Variants in AFAP1L1 observed in about 807,000 individuals in gnomAD.
AFAP1L1 encodes actin filament associated protein 1 like 1.
A neutral mutation model predicts 99.8 loss-of-function variants in AFAP1L1; 77 were observed. The ratio of observed to expected loss-of-function variants is 0.77; its 90% CI spans 0.64 to 0.93. The LOEUF is 0.93. AFAP1L1 is among the 40% of genes least tolerant of loss of function. The probability of loss-of-function intolerance (pLI) is 0.00; values close to 1 mark genes in which losing one functional copy is unlikely to be tolerated. For synonymous variants in AFAP1L1, 373 were observed against 395.3 expected (o/e 0.94, Z 0.67); for missense variants, 893 against 996.8 (o/e 0.90, Z 1.40).
intron 1 of AFAP1L1, among the ~76,000 whole-genome samples, chr5:149,296,969 G>A (rs552513851): frequency 1.3e-5 from 2 of 152,178 alleles, no homozygotes; most frequent in Non-Finnish European, 2.9e-5. Context: ...TCACTATCAC[G>A]AGAACAGCAG....
At position 149,300,250 on chromosome 5, in the gene AFAP1L1, T is replaced by C. The variant is rs1756155221; in HGVS notation, c.146-21T>C. ...GGTCCCTCCTCCTTCACAGCTGGCATGTCCCCCTTCTTCCTCACAGCAAAG... is the reference window on the plus strand; with the variant it reads ...GGTCCCTCCTCCTTCACAGCTGGCACGTCCCCCTTCTTCCTCACAGCAAAG... On this transcript the variant is annotated intron_variant, in intron 2 of 18. Coordinates refer to ENST00000296721, the MANE Select transcript of AFAP1L1 (RefSeq NM_152406.4). 3 of 1,595,362 alleles carry C rather than the reference T, an allele frequency of 1.9e-6. No individual in the cohort carries two copies. In the South Asian group the frequency reaches 3.4e-5, roughly 18 times the overall value.
chr5:149,319,843 C>T (rs982816436), intron 13 of AFAP1L1, 116 bp downstream of exon 13: 29 of 1,414,422 alleles, frequency 2.1e-5, no homozygotes, highest in Middle Eastern at 2.5e-4. Flanking sequence ...AGGAAAGCTC[C>T]GCTTCCTTGG....
Position 149,303,708 on chromosome 5 carries a change from G to A in AFAP1L1, c.436+1182G>A, listed in dbSNP as rs571390087. Among the ~76,000 whole-genome samples, 21 of 152,112 alleles carry A rather than the reference G, an allele frequency of 1.4e-4. No homozygotes were observed. The South Asian group carries it at 4.1e-3, about 30-fold the overall frequency. On this transcript the variant is annotated intron_variant, in intron 5 of 18. Coordinates refer to ENST00000296721, the MANE Select transcript of AFAP1L1 (RefSeq NM_152406.4). ...CAAACACACACACACACATGCATCC[G>A]TTTTAACAATTTTTCAAGGATATGC...
At chr5:149,319,527 T>C (rs1486843680) in intron 12 of AFAP1L1, 55 bp from the exon 13 acceptor site, 1 of 1,548,040 alleles carries the variant, frequency 6.5e-7, no homozygotes, top group Non-Finnish European at 8.7e-7. Flanking sequence ...TCAACAGGTC[T>C]CCAGGAGCCC....
At chr5:149,311,825 C>T (rs551148354) in intron 8 of AFAP1L1, among the ~76,000 whole-genome samples, 22 of 152,298 alleles carry the variant, frequency 1.4e-4, no homozygotes, top group African/African-American at 5.1e-4. Context: ...CAGATGTGGA[C>T]ACTGAGGCCC....
At position 149,306,154 on chromosome 5, in the gene AFAP1L1, A is replaced by T; in HGVS notation, c.437-152A>T. 5.1e-6 allele frequency: 3 copies of T among 587,054 alleles called. No homozygotes were observed. The East Asian group carries it at 8.7e-5, about 17-fold the overall frequency. 36.4% of individuals were successfully genotyped at this position (587,054 alleles called of 1,614,324 possible). A position where few individuals can be genotyped will look rare whatever the true frequency, so the allele number is the denominator to read the frequency against. ...TGGAGAGCTAGAACAGATGAGATGC[A>T]GAGAGGAGGCCTCACACCCTGGCCT... On this transcript the variant is annotated intron_variant, in intron 5 of 18. Transcript: ENST00000296721.
At chr5:149,272,256 A>G (rs1332761233) in intron 1 of AFAP1L1, among the ~76,000 whole-genome samples, 10 of 152,200 alleles carry the variant, frequency 6.6e-5, no homozygotes, top group Admixed American at 6.5e-4. Context: ...TAACTTCATA[A>G]AAGATCCCCC....
chr5:149,335,787 C>T (rs1486842083), intron 18 of AFAP1L1, 65 bp downstream of exon 18: 1 of 1,573,654 alleles, frequency 6.4e-7, no homozygotes, highest in Non-Finnish European at 8.6e-7. Context: ...TGGAACTTCA[C>T]CCAAAACCAA....
At chr5:149,288,228 C>A (rs1397793778) in intron 1 of AFAP1L1, among the ~76,000 whole-genome samples, 8 of 152,180 alleles carry the variant, frequency 5.3e-5, no homozygotes, top group Admixed American at 4.6e-4. Context: ...CCAGAAGGTA[C>A]GCTAGTGCTG....
chr5:149,298,216 G>C (rs903689528), intron 1 of AFAP1L1, among the ~76,000 whole-genome samples: 1 of 152,202 alleles, frequency 6.6e-6, no homozygotes, highest in Non-Finnish European at 1.5e-5. Context: ...ATGGAGTTAG[G>C]AGTCATGGCT....
At chr5:149,284,208 AT>A (rs1251521329) in intron 1 of AFAP1L1, among the ~76,000 whole-genome samples, 8 of 152,168 alleles carry the variant, frequency 5.3e-5, no homozygotes, top group Admixed American at 5.2e-4. Flanking sequence ...GTAGGGATGT[AT>A]TCTCCCAGTC....
intron 9 of AFAP1L1, among the ~76,000 whole-genome samples, chr5:149,315,099 C>T (rs371548051): frequency 3.3e-5 from 5 of 152,272 alleles, no homozygotes; most frequent in East Asian, 3.9e-4. Context: ...CTCTACATCC[C>T]GTGGTACCTA....
At position 149,320,426 on chromosome 5, in the gene AFAP1L1, C is replaced by T. The variant is rs543890907; in HGVS notation, c.1661C>T (p.Pro554Leu). The change falls in exon 14 of 19, where the codon CCC becomes CTC. Residue 554 changes from proline (P) to leucine (L), a missense_variant. Physicochemically the swap from Pro to Leu is moderately conservative, Grantham distance 98. Coordinates refer to ENST00000296721, the MANE Select transcript of AFAP1L1 (RefSeq NM_152406.4). The surrounding 1 kb of genome is among the most constrained non-coding windows in gnomAD (Gnocchi z 4.0). ...ARSCQNQWPEPRVYDDVPYEK... is the reference protein window; with the variant it reads ...ARSCQNQWPELRVYDDVPYEK... ...TCCTGCCAGAATCAGTGGCCTGAGCCCCGAGTCTATGATGATGTTCCTTAT... is the reference window on the plus strand; with the variant it reads ...TCCTGCCAGAATCAGTGGCCTGAGCTCCGAGTCTATGATGATGTTCCTTAT... The T allele has an allele frequency of 1.9e-6, 3 of 1,614,178 alleles. No homozygotes were observed. Among genetic ancestry groups the T allele is most frequent in the Admixed American group, 3.3e-5 (2 of 60,028 alleles).
At chr5:149,311,505 G>A (rs1167326685) in intron 8 of AFAP1L1, among the ~76,000 whole-genome samples, 5 of 152,354 alleles carry the variant, frequency 3.3e-5, no homozygotes. Context: ...GGGCTTACAA[G>A]GCTGGTGGGG....
intron 5 of AFAP1L1, 48 bp from the exon 6 acceptor site, chr5:149,306,258 A>G: frequency 6.5e-7 from 1 of 1,528,538 alleles, no homozygotes; most frequent in African/African-American, 1.4e-5. Context: ...TGGCCCCTGG[A>G]GTCTGCCTGC....
At chr5:149,300,759 T>C (rs756389953) in intron 3 of AFAP1L1, among the ~76,000 whole-genome samples, 2 of 152,252 alleles carry the variant, frequency 1.3e-5, no homozygotes, top group Non-Finnish European at 2.9e-5. Flanking sequence ...GTCCTAGCCC[T>C]ATCCTGAGGG....
At chr5:149,307,356 TC>T (rs774264924) in intron 6 of AFAP1L1, 45 bp from the exon 7 acceptor site, 2 of 1,601,204 alleles carry the variant, frequency 1.2e-6, no homozygotes, top group Non-Finnish European at 1.7e-6. Context: ...AGAAGGTGCT[TC>T]CCCAGGATGG....
At chr5:149,306,971 G>A (rs1199786033) in intron 6 of AFAP1L1, among the ~76,000 whole-genome samples, 1 of 152,116 alleles carries the variant, frequency 6.6e-6, no homozygotes, top group Non-Finnish European at 1.5e-5. Flanking sequence ...GGCCAGCCAG[G>A]TGTGGTGGCT....
At chr5:149,315,475 T>C (rs1756766180) in intron 9 of AFAP1L1, among the ~76,000 whole-genome samples, 1 of 152,216 alleles carries the variant, frequency 6.6e-6, no homozygotes, top group South Asian at 2.1e-4. Context: ...GGAAGTAACT[T>C]CCTAAACCAA....
Sources: allele counts gnomAD v4.1 joint callset (sites outside exome capture counted in the v4.1 genomes callset), GRCh38; gene constraint gnomAD v4.1.1; non-coding constraint Gnocchi (gnomAD v3.1); transcripts MANE v1.5; gene names NCBI Gene and HGNC (gene_info 2026-07-23, HGNC 2026-07-21).